NSUN6: variants seen among roughly 807,000 people sequenced by gnomAD.
NSUN6 encodes NOP2/Sun RNA methyltransferase 6.
NSUN6 carries 64 observed loss-of-function variants against 58.0 expected under a neutral mutation model. That is an observed-to-expected ratio of 1.10 (90% CI 0.90 to 1.36). NSUN6 has a LOEUF of 1.36. Ranked by LOEUF, NSUN6 falls within the 40% of genes most tolerant of loss-of-function variation. NSUN6 has a pLI of 0.00. For synonymous variants in NSUN6, 231 were observed against 193.9 expected (o/e 1.19, Z -1.59); for missense variants, 701 against 550.1 (o/e 1.27, Z -2.74).
intron 8 of NSUN6, among the ~76,000 whole-genome samples, chr10:18,576,314 C>T (rs2056643527): frequency 6.6e-6 from 1 of 152,084 alleles, no homozygotes; most frequent in African/African-American, 2.4e-5. Context: ...AAAAGTACCT[C>T]TGTCCCTCCT....
At chr10:18,557,100 T>G (rs563054155) in intron 8 of NSUN6, among the ~76,000 whole-genome samples, 1 of 148,984 alleles carries the variant, frequency 6.7e-6, no homozygotes, top group Non-Finnish European at 1.5e-5. Flanking sequence ...AAATGGAGAA[T>G]AGTGTGCAGA....
At chr10:18,657,823 A>G (rs2131628612), upstream of NSUN6, among the ~76,000 whole-genome samples, 1 of 152,192 alleles carries the variant, frequency 6.6e-6, no homozygotes, top group South Asian at 2.1e-4. Flanking sequence ...CATGTTGGCC[A>G]GGATGGTCTC....
intron 8 of NSUN6, among the ~76,000 whole-genome samples, chr10:18,565,006 A>G (rs2055822347): frequency 7.3e-6 from 1 of 136,058 alleles, no homozygotes; most frequent in Admixed American, 7.7e-5. Context: ...TTTCCATTCC[A>G]TCACATTCCA....
chr10:18,557,895 G>A (rs1257854512), intron 8 of NSUN6, among the ~76,000 whole-genome samples: 2 of 151,014 alleles, frequency 1.3e-5, no homozygotes, highest in Admixed American at 1.3e-4. Context: ...GGAATGAAAT[G>A]AAGAATGGAA....
intron 3 of NSUN6, among the ~76,000 whole-genome samples, chr10:18,616,650 C>A (rs1453772395): frequency 6.6e-6 from 1 of 152,216 alleles, no homozygotes; most frequent in Non-Finnish European, 1.5e-5. Context: ...ATTACAAAAA[C>A]ATTTCTAAAG....
At chr10:18,648,733 C>T (rs2059621281) in intron 1 of NSUN6, 88 bp from the exon 2 acceptor site, 1 of 716,728 alleles carries the variant, frequency 1.4e-6, no homozygotes, top group Non-Finnish European at 2.3e-6. Context: ...AATGAAACAT[C>T]GCTTAGCAAT....
rs778334643 is a variant in NSUN6 at position 18,642,479 on chromosome 10, G to A, written c.308C>T (p.Pro103Leu). ...QDVLLIPVIG[P>L]RKNIKKQQCE... ...TGGAAATGAAGTTCTTACAAACCTGGGTCCAATAACAGGAATAAGTAACAC... is the reference window on the plus strand; with the variant it reads ...TGGAAATGAAGTTCTTACAAACCTGAGTCCAATAACAGGAATAAGTAACAC... The change falls in exon 3 of 11, where the codon CCC (proline) becomes CTC (leucine). Residue 103 changes from proline to leucine, a missense_variant. Transcript: ENST00000377304. 3 of 1,475,598 alleles carry A rather than the reference G, an allele frequency of 2.0e-6. No homozygotes were observed. In the South Asian group the frequency reaches 3.4e-5, roughly 17 times the overall value. 91.4% of individuals were successfully genotyped at this position (1,475,598 alleles called of 1,614,324 possible). A position where few individuals can be genotyped will look rare whatever the true frequency, so the allele number is the denominator to read the frequency against.
intron 5 of NSUN6, among the ~76,000 whole-genome samples, chr10:18,611,723 G>GGTGT (rs10579235): frequency 3.4e-4 from 51 of 148,982 alleles, no homozygotes; most frequent in Middle Eastern, 3.5e-3. Context: ...GTCTCACTAT[G>GGTGT]GTGTGTGTGT....
chr10:18,632,584 A>C (rs1376263051), intron 3 of NSUN6, among the ~76,000 whole-genome samples: 1 of 151,952 alleles, frequency 6.6e-6, no homozygotes, highest in East Asian at 1.9e-4. Flanking sequence ...CCCCATCAAA[A>C]AGTGGGCGAA....
At chr10:18,651,793 A>T, upstream of NSUN6, 1 of 985,330 alleles carries the variant, frequency 1.0e-6, no homozygotes, top group Non-Finnish European at 1.2e-6. Flanking sequence ...AAGTAGGCAG[A>T]CCCCGCGGGC....
At chr10:18,627,201 T>G (rs1414811196) in intron 3 of NSUN6, among the ~76,000 whole-genome samples, 2 of 152,184 alleles carry the variant, frequency 1.3e-5, no homozygotes, top group East Asian at 3.8e-4. Context: ...AACCAAAATT[T>G]TATTTTAAAT....
intron 3 of NSUN6, among the ~76,000 whole-genome samples, chr10:18,634,214 A>T (rs2131507454): frequency 6.6e-6 from 1 of 152,352 alleles, no homozygotes; most frequent in East Asian, 1.9e-4. Flanking sequence ...GAGAAATTAA[A>T]GGAAAAACCT....
In NSUN6 at chr10:18,651,488, C is replaced by G. The variant is rs1427979618; in HGVS notation, c.-285G>C. On this transcript the variant is annotated 5_prime_UTR_variant, in exon 1 of 11. Coordinates refer to ENST00000377304, the MANE Select transcript of NSUN6 (RefSeq NM_182543.5). ...CAATGCCACTCACGTTGCAAAGAAC[C>G]AAAAAAAGAAAAAAATGCTTAGTAA... 2.4e-5 allele frequency: 27 copies of G among 1,107,226 alleles called. No individual in the cohort carries two copies. The highest frequency in any genetic ancestry group is 2.9e-5 in the Non-Finnish European group (26 of 909,914). The allele number at this position is 1,107,226 out of a possible 1,614,324, so 68.6% of individuals were successfully genotyped here.
chr10:18,561,231 G>C (rs2055481338), intron 8 of NSUN6, among the ~76,000 whole-genome samples: 1 of 86,448 alleles, frequency 1.2e-5, no homozygotes, highest in Admixed American at 1.2e-4. Flanking sequence ...GGATGGAATG[G>C]AGAATGGAAT....
chr10:18,644,839 CA>C (rs1162708826), intron 2 of NSUN6, among the ~76,000 whole-genome samples: 9 of 97,578 alleles, frequency 9.2e-5, no homozygotes, highest in Admixed American at 1.1e-4. Flanking sequence ...GACTCCGTCT[CA>C]AAAAAAAAAC....
intron 8 of NSUN6, among the ~76,000 whole-genome samples, chr10:18,568,074 C>A (rs111217461): frequency 0.048 from 7,329 of 151,352 alleles, 273 homozygotes; most frequent in Non-Finnish European, 0.077. Flanking sequence ...CGTTCCATTC[C>A]ATTCCATTCT....
chr10:18,593,232 G>A (rs780975231), intron 7 of NSUN6, among the ~76,000 whole-genome samples: 1 of 152,192 alleles, frequency 6.6e-6, no homozygotes, highest in Non-Finnish European at 1.5e-5. Flanking sequence ...TGGAGAAATA[G>A]GAGAAATAGC....
At chr10:18,559,326 G>C (rs558560265) in intron 8 of NSUN6, among the ~76,000 whole-genome samples, 1 of 149,144 alleles carries the variant, frequency 6.7e-6, no homozygotes, top group Non-Finnish European at 1.5e-5. Flanking sequence ...TGGAGAATGG[G>C]ATGGAATGGA....
At chr10:18,567,724 CCATTCCATTCTG>C (rs1359179790) in intron 8 of NSUN6, among the ~76,000 whole-genome samples, 10 of 150,894 alleles carry the variant, frequency 6.6e-5, no homozygotes, top group Non-Finnish European at 1.5e-4. Flanking sequence ...ATTCCATCCT[CCATTCCATTCTG>C]CATTTCATTC....
Sources: gnomAD v4.1 joint callset for allele counts (sites outside exome capture counted in the v4.1 genomes callset) on GRCh38, gnomAD v4.1.1 for gene constraint, MANE v1.5 for transcripts, NCBI Gene and HGNC (gene_info 2026-07-23, HGNC 2026-07-21) for gene names.